The following GPC6 variants were observed in gnomAD, a reference collection of about 807,000 sequenced individuals.
GPC6 encodes glypican-6.
A neutral mutation model predicts 55.2 loss-of-function variants in GPC6; 14 were observed. The ratio of observed to expected loss-of-function variants is 0.25; its 90% CI spans 0.17 to 0.40. GPC6 has a LOEUF of 0.40. GPC6 is among the 10% of genes least tolerant of loss of function. GPC6 has a pLI of 1.00. For missense variants in GPC6, 641 were observed against 708.5 expected (o/e 0.90, Z 1.08); for synonymous variants, 278 against 259.6 (o/e 1.07, Z -0.68).
chr13:93,316,607 T>G (rs533936673), intron 1 of GPC6, among the ~76,000 whole-genome samples: 1 of 152,214 alleles, frequency 6.6e-6, no homozygotes, highest in East Asian at 1.9e-4. Context: ...TTAAACCGAA[T>G]AATTTCTTTA....
At chr13:93,767,844 G>A (rs1365738727) in intron 2 of GPC6, among the ~76,000 whole-genome samples, 1 of 152,146 alleles carries the variant, frequency 6.6e-6, no homozygotes, top group African/African-American at 2.4e-5. Flanking sequence ...CACAGATGAG[G>A]AAACATCTGA....
intron 3 of GPC6, among the ~76,000 whole-genome samples, chr13:93,895,234 G>GTGTGTGTGTGTGTACA (rs1196315147): frequency 9.2e-6 from 1 of 108,208 alleles, no homozygotes; most frequent in African/African-American, 3.7e-5. Flanking sequence ...GTGTGTGTGT[G>GTGTGTGTGTGTGTACA]TATATATATA....
chr13:93,694,129 G>T (rs1193011048), intron 2 of GPC6, among the ~76,000 whole-genome samples: 1 of 152,006 alleles, frequency 6.6e-6, no homozygotes, highest in Non-Finnish European at 1.5e-5. Context: ...CCCCTCTCTT[G>T]CTCTTTTATT....
intron 1 of GPC6, among the ~76,000 whole-genome samples, chr13:93,308,163 C>T (rs917013326): frequency 3.9e-5 from 6 of 151,988 alleles, no homozygotes; most frequent in Non-Finnish European, 7.4e-5. Context: ...CGGGCGCCTG[C>T]AGTCCCAGCT....
intron 4 of GPC6, 137 bp downstream of exon 4, chr13:94,028,031 A>C: frequency 1.2e-6 from 1 of 805,266 alleles, no homozygotes; most frequent in Non-Finnish European, 2.1e-6. Flanking sequence ...TTGGGAGGCC[A>C]GTACAGATGG....
intron 2 of GPC6, among the ~76,000 whole-genome samples, chr13:93,702,450 A>G (rs1394500839): frequency 6.6e-6 from 1 of 151,984 alleles, no homozygotes; most frequent in Non-Finnish European, 1.5e-5. Context: ...GATTTTCAGA[A>G]TGGTAAGTGA....
chr13:94,274,060 G>A (rs1289784893), intron 4 of GPC6, among the ~76,000 whole-genome samples: 2 of 152,110 alleles, frequency 1.3e-5, no homozygotes, highest in African/African-American at 4.8e-5. Context: ...ATATAATATA[G>A]CAATGAGATG....
intron 3 of GPC6, among the ~76,000 whole-genome samples, chr13:93,896,016 T>A (rs1875993590): frequency 6.6e-6 from 1 of 152,164 alleles, no homozygotes; most frequent in East Asian, 1.9e-4. Flanking sequence ...ACTTAGTGTA[T>A]ATTTAAAAAT....
At chr13:93,952,808 T>TAC (rs552891023) in intron 3 of GPC6, among the ~76,000 whole-genome samples, 10 of 147,518 alleles carry the variant, frequency 6.8e-5, no homozygotes, top group Admixed American at 2.1e-4. Context: ...GATATAGGTA[T>TAC]ACACACACAC....
chr13:94,131,965 G>A (rs957634202), intron 4 of GPC6, among the ~76,000 whole-genome samples: 1 of 152,164 alleles, frequency 6.6e-6, no homozygotes, highest in African/African-American at 2.4e-5. Context: ...GAGGCAGAGA[G>A]AGAAATAATG....
chr13:93,448,192 C>A (rs781215642), intron 1 of GPC6, among the ~76,000 whole-genome samples: 2 of 152,072 alleles, frequency 1.3e-5, no homozygotes, highest in Non-Finnish European at 2.9e-5. Context: ...AAGGATGAAC[C>A]ACATATGTGA....
chr13:93,953,151 C>T (rs1879347071), intron 3 of GPC6, among the ~76,000 whole-genome samples: 1 of 151,908 alleles, frequency 6.6e-6, no homozygotes, highest in Admixed American at 6.6e-5. Context: ...GTTTTTGATT[C>T]TCAGAACTTT....
At chr13:94,287,987 A>G (rs140023886) in intron 5 of GPC6, among the ~76,000 whole-genome samples, 1 of 152,282 alleles carries the variant, frequency 6.6e-6, no homozygotes. Context: ...CAAGTCAAGT[A>G]TTCTTTTCTA....
At chr13:93,314,834 G>T (rs74774405) in intron 1 of GPC6, among the ~76,000 whole-genome samples, 1,578 of 151,766 alleles carry the variant, frequency 0.01, 30 homozygotes, top group African/African-American at 0.036. Flanking sequence ...GATTAATCTG[G>T]GAGTAAATTG....
chr13:93,312,808 G>C (rs933062571), intron 1 of GPC6, among the ~76,000 whole-genome samples: 1 of 152,088 alleles, frequency 6.6e-6, no homozygotes, highest in Admixed American at 6.5e-5. Flanking sequence ...ATTTTGCTTT[G>C]TTTAAAACCT....
intron 4 of GPC6, among the ~76,000 whole-genome samples, chr13:94,213,134 T>C (rs1044069415): frequency 6.6e-6 from 1 of 152,142 alleles, no homozygotes; most frequent in Non-Finnish European, 1.5e-5. Flanking sequence ...CCAGCCTGGG[T>C]GACATAGCAA....
intron 2 of GPC6, among the ~76,000 whole-genome samples, chr13:93,813,169 C>A (rs1298948204): frequency 6.6e-6 from 1 of 151,970 alleles, no homozygotes; most frequent in Non-Finnish European, 1.5e-5. Context: ...ATGTATATTA[C>A]CAGATAAATG....
chr13:93,320,346 T>G (rs1879392974), intron 1 of GPC6, among the ~76,000 whole-genome samples: 1 of 151,920 alleles, frequency 6.6e-6, no homozygotes, highest in South Asian at 2.1e-4. Flanking sequence ...TTAAAGTGAT[T>G]CCCTTATATA....
Position 94,223,199 on chromosome 13 carries a change from T to A in GPC6, c.878-63150T>A, listed in dbSNP as rs114274373. Among the ~76,000 whole-genome samples the A allele has an allele frequency of 5.7e-3, 874 of 152,226 alleles. 6 individuals are homozygous for A. The highest frequency in any genetic ancestry group is 0.02 in the African/African-American group (843 of 41,544). On this transcript the variant is annotated intron_variant, in intron 4 of 8. Coordinates refer to ENST00000377047, the MANE Select transcript of GPC6 (RefSeq NM_005708.5). ...CCATGAATACCTAATTGCCTTTGAT[T>A]CTCCATCTCATGTGTTATGTAAACT...
Sources: allele counts gnomAD v4.1 joint callset (sites outside exome capture counted in the v4.1 genomes callset), GRCh38; gene constraint gnomAD v4.1.1; transcripts MANE v1.5; gene names NCBI Gene and HGNC (gene_info 2026-07-23, HGNC 2026-07-21).